The following RNF220 variants were observed in gnomAD, a reference collection of about 807,000 sequenced individuals.
The protein encoded by RNF220 is ring finger protein 220.
In RNF220, 7 loss-of-function variants were observed where a neutral mutation model predicts 67.1. That is an observed-to-expected ratio of 0.10 (90% CI 0.06 to 0.20). RNF220 has a LOEUF of 0.20. RNF220 is among the 10% of genes least tolerant of loss of function. RNF220 has a pLI of 1.00. For synonymous variants in RNF220, 270 were observed against 283.2 expected, an observed-to-expected ratio of 0.95 and a Z score of 0.47; for missense variants, 565 against 740.3, an observed-to-expected ratio of 0.76 and a Z score of 2.75.
At chr1:44,452,964 T>C (rs570400368) in intron 2 of RNF220, among the ~76,000 whole-genome samples, 11 of 152,348 alleles carry the variant, frequency 7.2e-5, no homozygotes, top group African/African-American at 2.2e-4. Context: ...TCCAGGAATA[T>C]GATGTGTTCC....
At chr1:44,406,760 G>A (rs1031796251) in intron 1 of RNF220, among the ~76,000 whole-genome samples, 4 of 149,404 alleles carry the variant, frequency 2.7e-5, no homozygotes, top group Non-Finnish European at 4.5e-5. Context: ...GTAAGAGAAA[G>A]CCTTTTCTTC....
chr1:44,497,218 CATATTTG>C (rs1657417808), intron 2 of RNF220, among the ~76,000 whole-genome samples: 1 of 152,094 alleles, frequency 6.6e-6, no homozygotes, highest in South Asian at 2.1e-4. Flanking sequence ...TCATGACAGA[CATATTTG>C]ATATGTTTGT....
intron 2 of RNF220, among the ~76,000 whole-genome samples, chr1:44,503,464 G>C (rs1015592711): frequency 6.6e-6 from 1 of 152,038 alleles, no homozygotes; most frequent in African/African-American, 2.4e-5. Context: ...GAATGTCCAT[G>C]TGTGCATACA....
At chr1:44,577,785 G>T (rs1664920253) in intron 2 of RNF220, among the ~76,000 whole-genome samples, 1 of 152,012 alleles carries the variant, frequency 6.6e-6, no homozygotes, top group Non-Finnish European at 1.5e-5. Context: ...GGCCAACATG[G>T]TGAAACCCCA....
intron 2 of RNF220, among the ~76,000 whole-genome samples, chr1:44,574,331 C>T (rs1664658263): frequency 6.6e-6 from 1 of 152,194 alleles, no homozygotes; most frequent in African/African-American, 2.4e-5. Flanking sequence ...CTAACTCTTA[C>T]TTGTCCTTCA....
intron 2 of RNF220, among the ~76,000 whole-genome samples, chr1:44,579,041 AG>A (rs2148338312): frequency 6.6e-6 from 1 of 152,006 alleles, no homozygotes; most frequent in African/African-American, 2.4e-5. Flanking sequence ...CTGTAATCCC[AG>A]CTACTCGGGA....
chr1:44,587,506 G>T (rs1364065954), intron 2 of RNF220, among the ~76,000 whole-genome samples: 1 of 152,126 alleles, frequency 6.6e-6, no homozygotes, highest in Admixed American at 6.5e-5. Flanking sequence ...TGGCAAGGAG[G>T]GGGTGGAAAG....
chr1:44,581,512 A>T (rs1163642737), intron 2 of RNF220, among the ~76,000 whole-genome samples: 1 of 152,174 alleles, frequency 6.6e-6, no homozygotes, highest in Non-Finnish European at 1.5e-5. Flanking sequence ...GAAAAAATGA[A>T]ACCTCTGGCC....
chr1:44,434,770 G>A (rs1212293300), intron 2 of RNF220, among the ~76,000 whole-genome samples: 1 of 151,546 alleles, frequency 6.6e-6, no homozygotes, highest in Non-Finnish European at 1.5e-5. Flanking sequence ...TTGATGTAGG[G>A]AAAGTGTTAG....
chr1:44,500,146 C>T (rs911951720), intron 2 of RNF220, among the ~76,000 whole-genome samples: 23 of 152,242 alleles, frequency 1.5e-4, no homozygotes, highest in Non-Finnish European at 2.6e-4. Flanking sequence ...GCTTGCCATT[C>T]GTTCAAAGTA....
At chr1:44,405,804 GA>G (rs139755141) in intron 1 of RNF220, among the ~76,000 whole-genome samples, 15 of 147,232 alleles carry the variant, frequency 1.0e-4, no homozygotes, top group African/African-American at 3.7e-4. Context: ...TTTATTTGGG[GA>G]GGGGGGGAGG....
chr1:44,645,090 G>A lies in RNF220; in HGVS notation c.1310+9G>A. On this transcript the variant is annotated intron_variant, in intron 10 of 14. Transcript: ENST00000361799. The surrounding 1 kb of genome is among the most constrained non-coding windows in gnomAD (Gnocchi z 5.0). Reference sequence around the variant, plus strand: ...CGGGGCGCAGTCCTAAAGCAAGTGTGGGCACAGGCTTGGGCGGGTGGAGCA... The same window carrying A: ...CGGGGCGCAGTCCTAAAGCAAGTGTAGGCACAGGCTTGGGCGGGTGGAGCA... 1 of 1,614,084 alleles carries A rather than the reference G, an allele frequency of 6.2e-7. No homozygotes were observed. Among genetic ancestry groups the A allele is most frequent in the Non-Finnish European group, 8.5e-7 (1 of 1,179,954 alleles).
chr1:44,584,819 C>T (rs957521745), intron 2 of RNF220, among the ~76,000 whole-genome samples: 2 of 152,232 alleles, frequency 1.3e-5, no homozygotes, highest in African/African-American at 4.8e-5. Context: ...CTGCCTCAGC[C>T]TCCCAAATAG....
intron 2 of RNF220, among the ~76,000 whole-genome samples, chr1:44,515,142 T>C (rs1390502185): frequency 6.6e-6 from 1 of 152,232 alleles, no homozygotes; most frequent in Non-Finnish European, 1.5e-5. Flanking sequence ...CAACAGTCTA[T>C]TCCCTTCCCA....
rs567254033 is a variant in RNF220 at position 44,418,249 on chromosome 1, G to T, written c.625+5527G>T. ...CACTGCGCGGGGAGGGTTCTGCCTGGAGAAGGAGGGATGGGAGGAGGTTGG... is the reference window on the plus strand; with the variant it reads ...CACTGCGCGGGGAGGGTTCTGCCTGTAGAAGGAGGGATGGGAGGAGGTTGG... On this transcript the variant is annotated intron_variant, in intron 2 of 14. Coordinates refer to ENST00000361799, the MANE Select transcript of RNF220 (RefSeq NM_018150.4). 5.0e-3 allele frequency among the ~76,000 whole-genome samples: 754 copies of T among 152,292 alleles called. 6 individuals are homozygous for T. Among genetic ancestry groups the T allele is most frequent in the Non-Finnish European group, 8.3e-3 (565 of 68,016 alleles).
At chr1:44,506,174 A>T (rs574605156) in intron 2 of RNF220, among the ~76,000 whole-genome samples, 2 of 152,258 alleles carry the variant, frequency 1.3e-5, no homozygotes, top group Non-Finnish European at 2.9e-5. Flanking sequence ...ATTTCTTAAA[A>T]GGATGTGGAA....
chr1:44,549,577 G>A (rs981197463), intron 2 of RNF220, among the ~76,000 whole-genome samples: 2 of 152,124 alleles, frequency 1.3e-5, no homozygotes, highest in Non-Finnish European at 2.9e-5. Context: ...CTTGCCCAGC[G>A]TGATCAGCCT....
chr1:44,525,143 G>A (rs1022193815), intron 2 of RNF220, among the ~76,000 whole-genome samples: 1 of 152,234 alleles, frequency 6.6e-6, no homozygotes, highest in African/African-American at 2.4e-5. Context: ...TTGAAAGGAT[G>A]TAGCAATCTT....
chr1:44,521,697 A>G (rs1572757298), intron 2 of RNF220, among the ~76,000 whole-genome samples: 1 of 152,302 alleles, frequency 6.6e-6, no homozygotes, highest in South Asian at 2.1e-4. Flanking sequence ...CTCGTACAGA[A>G]CTTACCTCTA....
Sources: gnomAD v4.1 joint callset for allele counts (sites outside exome capture counted in the v4.1 genomes callset) on GRCh38, gnomAD v4.1.1 for gene constraint, Gnocchi (gnomAD v3.1) non-coding constraint, MANE v1.5 for transcripts, NCBI Gene and HGNC (gene_info 2026-07-23, HGNC 2026-07-21) for gene names.